The following WDR25 variants were observed in gnomAD, a reference collection of about 807,000 sequenced individuals.
The protein encoded by WDR25 is WD repeat domain 25.
In WDR25, 35 loss-of-function variants were observed where a neutral mutation model predicts 47.7. The observed-to-expected ratio is 0.73, with a 90% CI of 0.56 to 0.97. WDR25 has a LOEUF of 0.97. Ranked by LOEUF, WDR25 falls within the 50% of genes least tolerant of loss-of-function variation. The pLI is 0.00. For missense variants in WDR25, 634 were observed against 704.7 expected (o/e 0.90, Z 1.14); for synonymous variants, 248 against 278.9 (o/e 0.89, Z 1.10).
At chr14:100,486,047 T>TA (rs527456737) in intron 4 of WDR25, among the ~76,000 whole-genome samples, 15,543 of 143,296 alleles carry the variant, frequency 0.11, 2,442 homozygotes, top group African/African-American at 0.35. Flanking sequence ...ACAGTGGCAT[T>TA]AAAAAAAAAA....
chr14:100,518,894 TA>T (rs562570627), intron 4 of WDR25, among the ~76,000 whole-genome samples: 710 of 134,874 alleles, frequency 5.3e-3, no homozygotes, highest in Middle Eastern at 0.011. Flanking sequence ...ACTTCATCTC[TA>T]AAAAAAAAAA....
At chr14:100,444,782 G>A (rs192060724) in intron 2 of WDR25, among the ~76,000 whole-genome samples, 1 of 152,346 alleles carries the variant, frequency 6.6e-6, no homozygotes, top group Non-Finnish European at 1.5e-5. Flanking sequence ...TTAGGGACTT[G>A]AGCCTGGTGT....
chr14:100,509,161 TA>T (rs1042942113), intron 4 of WDR25, among the ~76,000 whole-genome samples: 1 of 152,182 alleles, frequency 6.6e-6, no homozygotes, highest in Non-Finnish European at 1.5e-5. Flanking sequence ...ATTTCTTCCT[TA>T]AATGTTTGAT....
chr14:100,410,252 G>A (rs1897667726), intron 2 of WDR25, among the ~76,000 whole-genome samples: 1 of 152,160 alleles, frequency 6.6e-6, no homozygotes, highest in African/African-American at 2.4e-5. Context: ...GGCTTCCTGA[G>A]GTTTTTACAT....
intron 2 of WDR25, among the ~76,000 whole-genome samples, chr14:100,458,482 TCTCAATAATCA>T (rs1421978455): frequency 1.2e-4 from 18 of 152,268 alleles, no homozygotes; most frequent in African/African-American, 4.1e-4. Flanking sequence ...AACACCCCGC[TCTCAATAATCA>T]ATAGATCAAG....
intron 2 of WDR25, among the ~76,000 whole-genome samples, chr14:100,444,925 G>A (rs1250811849): frequency 1.3e-5 from 2 of 152,200 alleles, no homozygotes; most frequent in Admixed American, 6.5e-5. Flanking sequence ...TCTGGAAAGT[G>A]GGAAGATTAG....
intron 2 of WDR25, among the ~76,000 whole-genome samples, chr14:100,413,483 G>A (rs375774426): frequency 6.6e-5 from 10 of 150,836 alleles, no homozygotes; most frequent in Middle Eastern, 3.2e-3. Context: ...CCACGATCTC[G>A]GCTCACTGCG....
rs1199575338 is a variant in WDR25, at chr14:100,500,879, A to T, written c.1101+16755A>T. Among the ~76,000 whole-genome samples the T allele has an allele frequency of 2.6e-5, 4 of 152,160 alleles. No individual in the cohort carries two copies. Among genetic ancestry groups the T allele is most frequent in the Non-Finnish European group, 5.9e-5 (4 of 68,040 alleles). ...CAATTTTTCACTTGAGAGGATCAACACACAAATACATGTGTAATTGTCTAT... is the reference window on the plus strand; with the variant it reads ...CAATTTTTCACTTGAGAGGATCAACTCACAAATACATGTGTAATTGTCTAT... On this transcript the variant is annotated intron_variant, in intron 4 of 6. Coordinates refer to ENST00000402312, the MANE Select transcript of WDR25 (RefSeq NM_001161476.3). The surrounding 1 kb of genome is among the most constrained non-coding windows in gnomAD (Gnocchi z 4.7).
intron 2 of WDR25, among the ~76,000 whole-genome samples, chr14:100,394,862 G>A (rs1183397844): frequency 4.6e-5 from 7 of 152,220 alleles, no homozygotes; most frequent in Non-Finnish European, 1.0e-4. Context: ...GCACATGCCT[G>A]TAGTCCCAGC....
intron 4 of WDR25, among the ~76,000 whole-genome samples, chr14:100,503,357 G>T (rs187963341): frequency 1.3e-5 from 2 of 152,148 alleles, no homozygotes; most frequent in African/African-American, 4.8e-5. Context: ...TTATTAAAGC[G>T]CGCCATCTTT....
intron 3 of WDR25, chr14:100,476,503 C>G (rs1488490936): frequency 6.6e-6 from 1 of 152,150 alleles, no homozygotes. Context: ...CAACATTTTT[C>G]CTACATGTTC....
intron 3 of WDR25, among the ~76,000 whole-genome samples, chr14:100,482,019 A>G (rs987619882): frequency 6.6e-6 from 1 of 152,152 alleles, no homozygotes; most frequent in African/African-American, 2.4e-5. Context: ...ATGTGTTAAG[A>G]ATTGTGTACA....
rs905380866 is a variant in WDR25 at position 100,381,670 on chromosome 14, T to C, written c.746T>C (p.Val249Ala). The C allele has an allele frequency of 2.5e-6, 4 of 1,614,076 alleles. No homozygotes were observed. Among genetic ancestry groups the C allele is most frequent in the Admixed American group, 3.3e-5 (2 of 60,002 alleles). Residue 249 changes from valine (V) to alanine (A), a missense_variant, in exon 2 of 7, where the codon GTC becomes GCC. Transcript: ENST00000402312. Reference protein sequence around the residue: ...LFHLRGHRGPVNTIQWCPVLS... With the variant: ...LFHLRGHRGPANTIQWCPVLS... ...CACCTGAGAGGCCACAGGGGCCCTG[T>C]CAACACCATTCAGTGGTGTCCAGTC...
rs148263979 is a variant in WDR25, at chr14:100,421,019, C to T, written c.822+39273C>T. On this transcript the variant is annotated intron_variant, in intron 2 of 6. Transcript: ENST00000402312. ...TTCTGTCTGCTGAAACAGTGTATCTCCTGCATTTGGGTCATTATAAGAAGA... is the reference window on the plus strand; with the variant it reads ...TTCTGTCTGCTGAAACAGTGTATCTTCTGCATTTGGGTCATTATAAGAAGA... Among the ~76,000 whole-genome samples, 51 of 152,320 alleles carry T rather than the reference C, an allele frequency of 3.3e-4. 1 individual carries two copies. In the East Asian group the frequency reaches 7.7e-3, roughly 23 times the overall value.
intron 4 of WDR25, among the ~76,000 whole-genome samples, chr14:100,524,407 G>C (rs1257014647): frequency 6.6e-6 from 1 of 152,172 alleles, no homozygotes; most frequent in Non-Finnish European, 1.5e-5. Flanking sequence ...AAGTGTTGAG[G>C]CTGGTGGGGG....
chr14:100,526,058 G>A lies in WDR25; in HGVS notation c.1272+18G>A. On this transcript the variant is annotated intron_variant, in intron 5 of 6. Transcript: ENST00000402312. ...TTTTCCACGTAAGAAATCCCATTTG[G>A]CATTGCTGTCAGTTTCAGCCACAGA... The A allele has an allele frequency of 1.2e-6, 2 of 1,613,640 alleles. No homozygotes were observed. The highest frequency in any genetic ancestry group is 1.7e-6 in the Non-Finnish European group (2 of 1,179,804).
At chr14:100,465,923 A>G (rs1399599953) in intron 2 of WDR25, among the ~76,000 whole-genome samples, 1 of 152,224 alleles carries the variant, frequency 6.6e-6, no homozygotes, top group Non-Finnish European at 1.5e-5. Context: ...GTGGTGTTTC[A>G]TGTAAAAACT....
chr14:100,507,340 G>A lies in WDR25; in HGVS notation c.1102-18530G>A, dbSNP rs1901144887. ...ATAGTTTGAGGTCAAGTAATAGGAT[G>A]TCTCCAGCTTTGTTCTTTTTGCTTA... On this transcript the variant is annotated intron_variant, in intron 4 of 6. Transcript: ENST00000402312. 2.0e-5 allele frequency among the ~76,000 whole-genome samples: 3 copies of A among 152,176 alleles called. No individual in the cohort carries two copies. In the South Asian group the frequency reaches 6.2e-4, roughly 32 times the overall value.
rs116021677 is a variant in WDR25, at chr14:100,430,526, G to C, written c.823-37495G>C. On this transcript the variant is annotated intron_variant, in intron 2 of 6. Coordinates refer to ENST00000402312, the MANE Select transcript of WDR25 (RefSeq NM_001161476.3). This position sits in a 1 kb window ranked among gnomAD's most constrained non-coding sequence, Gnocchi z 4.7. Reference sequence around the variant, plus strand: ...GGCACAAAGTAGGTGCTCACTCATTGGGTGTTGGATTTAATTAAAATAACG... The same window carrying C: ...GGCACAAAGTAGGTGCTCACTCATTCGGTGTTGGATTTAATTAAAATAACG... Among the ~76,000 whole-genome samples the C allele has an allele frequency of 5.0e-3, 765 of 152,306 alleles. 7 individuals are homozygous for C. Among genetic ancestry groups the C allele is most frequent in the African/African-American group, 0.017 (724 of 41,576 alleles).
Sources: gnomAD v4.1 joint callset for allele counts (sites outside exome capture counted in the v4.1 genomes callset) on GRCh38, gnomAD v4.1.1 for gene constraint, Gnocchi (gnomAD v3.1) non-coding constraint, MANE v1.5 for transcripts, NCBI Gene and HGNC (gene_info 2026-07-23, HGNC 2026-07-21) for gene names.